The following OGN variants were observed in gnomAD, a reference collection of about 807,000 sequenced individuals.
The protein encoded by OGN is mimecan.
A neutral mutation model predicts 30.8 loss-of-function variants in OGN; 19 were observed. The ratio of observed to expected loss-of-function variants is 0.62; its 90% CI spans 0.43 to 0.90. OGN has a LOEUF of 0.90. OGN is among the 40% of genes least tolerant of loss of function. The pLI is 0.00. For missense variants in OGN, 283 were observed against 349.7 expected, an observed-to-expected ratio of 0.81 and a Z score of 1.52; for synonymous variants, 126 against 128.3, an observed-to-expected ratio of 0.98 and a Z score of 0.12.
intron 3 of OGN, among the ~76,000 whole-genome samples, chr9:92,396,568 AT>A (rs34456971): frequency 0.88 from 126,225 of 144,202 alleles, 55,228 homozygotes; most frequent in East Asian, 0.94. Context: ...ACATACCTTT[AT>A]TTTTTTTTTT....
Position 92,388,017 on chromosome 9 carries a change from G to A in OGN, c.631-1721C>T, listed in dbSNP as rs189809775. Among the ~76,000 whole-genome samples, 59 of 151,704 alleles carry A rather than the reference G, an allele frequency of 3.9e-4. 2 individuals are homozygous for A. The highest frequency in any genetic ancestry group is 3.5e-3 in the Admixed American group (54 of 15,236). On this transcript the variant is annotated intron_variant, in intron 5 of 6. Coordinates refer to ENST00000375561, the MANE Select transcript of OGN (RefSeq NM_014057.5). ...GAGCTCAGGCAATCTGCCCGCCTTGGCCTCCCAAAGTGCTAGGATTACAGG... is the reference window on the plus strand; with the variant it reads ...GAGCTCAGGCAATCTGCCCGCCTTGACCTCCCAAAGTGCTAGGATTACAGG...
intron 5 of OGN, among the ~76,000 whole-genome samples, chr9:92,388,777 A>G (rs1842545075): frequency 1.3e-5 from 2 of 151,094 alleles, no homozygotes; most frequent in South Asian, 4.2e-4. Flanking sequence ...GGTTGCAGTA[A>G]GCCAAGATCA....
intron 3 of OGN, among the ~76,000 whole-genome samples, chr9:92,396,456 T>C (rs542316890): frequency 6.6e-6 from 1 of 152,256 alleles, no homozygotes; most frequent in East Asian, 1.9e-4. Flanking sequence ...ATCTTAATGA[T>C]ATTGAATCTT....
intron 4 of OGN, among the ~76,000 whole-genome samples, chr9:92,391,334 G>A (rs1488948978): frequency 6.6e-6 from 1 of 152,174 alleles, no homozygotes; most frequent in East Asian, 1.9e-4. Flanking sequence ...ATGAACCTGG[G>A]AGGCGGAGCT....
rs189061664 is a variant in OGN at position 92,393,908 on chromosome 9, A to G, written c.269-664T>C. On this transcript the variant is annotated intron_variant, in intron 3 of 6. Coordinates refer to ENST00000375561, the MANE Select transcript of OGN (RefSeq NM_014057.5). Reference sequence around the variant, plus strand: ...TCGTCAGTGCTGTGTGTCCAAAAGCACATGATATCTGTTTATCCCATTCCT... The same window carrying G: ...TCGTCAGTGCTGTGTGTCCAAAAGCGCATGATATCTGTTTATCCCATTCCT... 2.9e-4 allele frequency among the ~76,000 whole-genome samples: 44 copies of G among 152,290 alleles called. No homozygotes were observed. The East Asian group carries it at 7.7e-3, about 27-fold the overall frequency.
rs753087835 is a variant in OGN at position 92,401,234 on chromosome 9, TC to T, written c.175-50del. ...TACCTAGCTTCATTAAGTCTGTGTTTCTCTGTAAAATGAAGGGATCACAGAC... is the reference window on the plus strand; with the variant it reads ...TACCTAGCTTCATTAAGTCTGTGTTTTCTGTAAAATGAAGGGATCACAGAC... On this transcript the variant is annotated intron_variant, in intron 2 of 6. Coordinates refer to ENST00000375561, the MANE Select transcript of OGN (RefSeq NM_014057.5). 5 of 846,574 alleles carry T rather than the reference TC, an allele frequency of 5.9e-6. No individual in the cohort carries two copies. In the Admixed American group the frequency reaches 9.9e-5, roughly 17 times the overall value. 52.4% of individuals were successfully genotyped at this position (846,574 alleles called of 1,614,324 possible).
intron 4 of OGN, among the ~76,000 whole-genome samples, chr9:92,392,361 C>T (rs955487119): frequency 4.6e-5 from 7 of 152,276 alleles, no homozygotes; most frequent in South Asian, 2.1e-4. Context: ...TGGTGGCTCA[C>T]GCCTGTATTC....
rs982092078 is a variant in OGN, at chr9:92,403,240, A to G, written c.168T>C (p.Asn56=). 6.4e-7 allele frequency: 1 copy of G among 1,562,492 alleles called. No homozygotes were observed. The highest frequency in any genetic ancestry group is 8.8e-7 in the Non-Finnish European group (1 of 1,142,746). Residue 56 remains asparagine (N), a synonymous_variant, in exon 2 of 7, where the codon AAT becomes AAC. Transcript: ENST00000375561. The stretch of plus-strand genomic sequence containing the variant: ...TAGAATAGAAATAAAGTACCTTAAT[A>G]TTTTTTCCATCCAGGTATTTATCCT... ...DYEDKYLDGK[N]IKEKETVIIP...
intron 3 of OGN, among the ~76,000 whole-genome samples, chr9:92,393,726 C>G (rs1488817346): frequency 6.6e-6 from 1 of 152,104 alleles, no homozygotes; most frequent in East Asian, 1.9e-4. Context: ...TGTCATACCT[C>G]TTGGAACATT....
At chr9:92,398,048 C>CA (rs78074588) in intron 3 of OGN, among the ~76,000 whole-genome samples, 5,406 of 152,222 alleles carry the variant, frequency 0.036, 128 homozygotes, top group South Asian at 0.086. Context: ...TCATTATTTA[C>CA]GTATATTTAC....
At position 92,384,427 on chromosome 9, in the gene OGN, C is replaced by T. The variant is rs754549894; in HGVS notation, c.*1193G>A. 2 of 152,130 alleles carry T rather than the reference C, an allele frequency of 1.3e-5. No individual in the cohort carries two copies. Among genetic ancestry groups the T allele is most frequent in the Admixed American group, 6.5e-5 (1 of 15,282 alleles). 9.4% of individuals were successfully genotyped at this position (152,130 alleles called of 1,614,324 possible). Reference sequence around the variant, plus strand: ...TACTTTTACTTACACAGTCCGGACTCATGTTTCTAAAACACTGATAATTTT... The same window carrying T: ...TACTTTTACTTACACAGTCCGGACTTATGTTTCTAAAACACTGATAATTTT... On this transcript the variant is annotated 3_prime_UTR_variant, in exon 7 of 7. Transcript: ENST00000375561.
Position 92,388,997 on chromosome 9 carries a change from A to T in OGN, c.630+857T>A, listed in dbSNP as rs570918005. On this transcript the variant is annotated intron_variant, in intron 5 of 6. Coordinates refer to ENST00000375561, the MANE Select transcript of OGN (RefSeq NM_014057.5). ...ATTGTAATGAAAAATGAAAAAATGG[A>T]CTATTTGTACACTTTCTAACAGATT... Among the ~76,000 whole-genome samples, 3 of 152,258 alleles carry T rather than the reference A, an allele frequency of 2.0e-5. No individual in the cohort carries two copies. The East Asian group carries it at 5.8e-4, about 29-fold the overall frequency.
rs1379834481 is a variant in OGN at position 92,383,809 on chromosome 9, T to G, written c.*1811A>C. On this transcript the variant is annotated 3_prime_UTR_variant, in exon 7 of 7. Transcript: ENST00000375561. ...ATCTAAAACTACTGACTTTTGAATTTTTTCTTAATTTGAGAGTTATTTGAT... is the reference window on the plus strand; with the variant it reads ...ATCTAAAACTACTGACTTTTGAATTGTTTCTTAATTTGAGAGTTATTTGAT... Among the ~76,000 whole-genome samples, 1 of 152,124 alleles carries G rather than the reference T, an allele frequency of 6.6e-6. No individual in the cohort carries two copies. The highest frequency in any genetic ancestry group is 2.4e-5 in the African/African-American group (1 of 41,442).
In OGN at chr9:92,386,267, C is replaced by T. The variant is rs900281849; in HGVS notation, c.660G>A (p.Leu220=). 6.2e-7 allele frequency: 1 copy of T among 1,613,306 alleles called. No homozygotes were observed. Among genetic ancestry groups the T allele is most frequent in the Non-Finnish European group, 8.5e-7 (1 of 1,179,498 alleles). The part of the protein sequence containing the change: ...KKLNNLTFLY[L]DHNALESVPL... ...GCACGGATTCCAGGGCATTATGGTCCAAGTAGAGGAAGGTGAGGTTATTCA... is the reference window on the plus strand; with the variant it reads ...GCACGGATTCCAGGGCATTATGGTCTAAGTAGAGGAAGGTGAGGTTATTCA... The change falls in exon 6 of 7, where the codon TTG becomes TTA. Residue 220 remains leucine, a synonymous_variant. Coordinates refer to ENST00000375561, the MANE Select transcript of OGN (RefSeq NM_014057.5).
At chr9:92,404,626 C>T (rs2130936935), upstream of OGN, 1 of 1,280,976 alleles carries the variant, frequency 7.8e-7, no homozygotes, top group East Asian at 5.8e-5. Context: ...AATTTCAGGG[C>T]CCAGCAGCTT....
chr9:92,397,397 G>A (rs763589607), intron 3 of OGN, among the ~76,000 whole-genome samples: 2 of 152,052 alleles, frequency 1.3e-5, no homozygotes, highest in African/African-American at 2.4e-5. Context: ...GTGCCATCTC[G>A]TCTCACTGCA....
chr9:92,394,331 C>T (rs1012922382), intron 3 of OGN, among the ~76,000 whole-genome samples: 3 of 151,916 alleles, frequency 2.0e-5, no homozygotes, highest in African/African-American at 7.2e-5. Context: ...CAACCTCCAC[C>T]TCCCCATTTC....
chr9:92,386,112 T>C (rs1842408921), intron 6 of OGN, 89 bp downstream of exon 6: 2 of 1,009,266 alleles, frequency 2.0e-6, no homozygotes, highest in Admixed American at 3.7e-5. Flanking sequence ...AACCAAAATT[T>C]GTATGTGAAT....
At chr9:92,396,633 G>T (rs1276085422) in intron 3 of OGN, among the ~76,000 whole-genome samples, 1 of 151,256 alleles carries the variant, frequency 6.6e-6, no homozygotes, top group African/African-American at 2.4e-5. Flanking sequence ...GCATGATCAT[G>T]GTTCACTGCA....
Sources: allele counts gnomAD v4.1 joint callset (sites outside exome capture counted in the v4.1 genomes callset), GRCh38; gene constraint gnomAD v4.1.1; transcripts MANE v1.5; gene names NCBI Gene and HGNC (gene_info 2026-07-23, HGNC 2026-07-21).